The following PRELID2 variants were observed in gnomAD, a reference collection of about 807,000 sequenced individuals.
The protein encoded by PRELID2 is PRELI domain containing 2.
In PRELID2, 25 loss-of-function variants were observed where a neutral mutation model predicts 28.4. The ratio of observed to expected loss-of-function variants is 0.88; its 90% CI spans 0.64 to 1.23. The LOEUF is 1.23. Among genes scored for constraint, PRELID2 ranks in the 50% most tolerant of loss-of-function variants. PRELID2 has a pLI of 0.00. For synonymous variants in PRELID2, 76 were observed against 71.6 expected, an observed-to-expected ratio of 1.06 and a Z score of -0.31; for missense variants, 201 against 214.4, an observed-to-expected ratio of 0.94 and a Z score of 0.39.
At chr5:145,371,069 T>C in the PRELID2 span, among the ~76,000 whole-genome samples, 20 of 152,082 alleles carry the variant, frequency 1.3e-4, no homozygotes, top group Admixed American at 9.8e-4. Context: ...ACAGAGACAA[T>C]TTGACCTCCT....
intron 1 of PRELID2, among the ~76,000 whole-genome samples, chr5:145,611,050 G>T (rs1200668142): frequency 2.0e-5 from 3 of 150,248 alleles, no homozygotes; most frequent in Non-Finnish European, 4.4e-5. Context: ...AGAGAGAGAA[G>T]AATTGTAAAT....
the PRELID2 span, among the ~76,000 whole-genome samples, chr5:145,379,213 G>T: frequency 6.6e-6 from 1 of 152,288 alleles, no homozygotes; most frequent in South Asian, 2.1e-4. Context: ...GGGCCAAGGA[G>T]GTGCTCCCAG....
At chr5:145,546,320 A>G (rs1438218748) in intron 1 of PRELID2, among the ~76,000 whole-genome samples, 4 of 152,204 alleles carry the variant, frequency 2.6e-5, no homozygotes, top group Non-Finnish European at 5.9e-5. Flanking sequence ...ACATGCAAAA[A>G]TAAAATGCAG....
At chr5:145,417,579 A>G in the PRELID2 span, among the ~76,000 whole-genome samples, 1 of 152,174 alleles carries the variant, frequency 6.6e-6, no homozygotes. Flanking sequence ...CCCAGGATGC[A>G]AGGTTGGTTC....
intron 1 of PRELID2, among the ~76,000 whole-genome samples, chr5:145,655,993 A>G (rs1754386374): frequency 6.6e-6 from 1 of 152,224 alleles, no homozygotes; most frequent in Non-Finnish European, 1.5e-5. Context: ...AAATTTTGCA[A>G]TCTACTCATC....
the PRELID2 span, among the ~76,000 whole-genome samples, chr5:145,243,472 T>TA: frequency 5.9e-5 from 9 of 152,150 alleles, no homozygotes; most frequent in African/African-American, 1.9e-4. Flanking sequence ...ATTGAAATAG[T>TA]AAAGTCCATT....
chr5:145,542,250 T>C (rs1380051111), intron 1 of PRELID2, among the ~76,000 whole-genome samples: 1 of 152,098 alleles, frequency 6.6e-6, no homozygotes, highest in Non-Finnish European at 1.5e-5. Context: ...TGCAGTGTGC[T>C]CCCAGCAGAC....
At chr5:145,644,928 C>G (rs1489487707) in intron 1 of PRELID2, among the ~76,000 whole-genome samples, 1 of 152,170 alleles carries the variant, frequency 6.6e-6, no homozygotes, top group Non-Finnish European at 1.5e-5. Context: ...GAGTGCCTTA[C>G]TTCCAACTAT....
chr5:145,803,735 T>TAAAAAAAA, intron 4 of PRELID2, among the ~76,000 whole-genome samples: 1 of 134,726 alleles, frequency 7.4e-6, no homozygotes, highest in Non-Finnish European at 1.6e-5. Context: ...CAATTTAAAG[T>TAAAAAAAA]AAAAAAAAAA....
the PRELID2 span, among the ~76,000 whole-genome samples, chr5:145,272,681 T>C: frequency 6.6e-6 from 1 of 152,158 alleles, no homozygotes; most frequent in African/African-American, 2.4e-5. Flanking sequence ...TAAATATATA[T>C]ACATGTTTTA....
Position 145,738,415 on chromosome 5 carries a change from C to G in PRELID2, n.70+26516G>C, listed in dbSNP as rs117544643. Among the ~76,000 whole-genome samples, 96 of 152,078 alleles carry G rather than the reference C, an allele frequency of 6.3e-4. No individual in the cohort carries two copies. The East Asian group carries it at 0.017, about 26-fold the overall frequency. Reference sequence around the variant, plus strand: ...GGCAAACATTTTTAAGCAGCCATCACAAAAATGCTTTGGTAAGCAATTACA... The same window carrying G: ...GGCAAACATTTTTAAGCAGCCATCAGAAAAATGCTTTGGTAAGCAATTACA... On this transcript the variant is annotated intron_variant and non_coding_transcript_variant, in intron 1 of 2. Coordinates refer to the PRELID2 transcript ENST00000510259.
the PRELID2 span, among the ~76,000 whole-genome samples, chr5:145,253,110 T>C: frequency 6.6e-6 from 1 of 152,116 alleles, no homozygotes. Context: ...AAATATCAAG[T>C]TGGCAACCAA....
At chr5:145,439,632 G>C in the PRELID2 span, among the ~76,000 whole-genome samples, 1 of 151,942 alleles carries the variant, frequency 6.6e-6, no homozygotes, top group African/African-American at 2.4e-5. Context: ...CACTGTTCTA[G>C]TTACCCAGAC....
At chr5:145,299,749 T>C in the PRELID2 span, among the ~76,000 whole-genome samples, 2 of 151,882 alleles carry the variant, frequency 1.3e-5, no homozygotes, top group Non-Finnish European at 2.9e-5. Flanking sequence ...AATAGCCAGA[T>C]CAATAATTTC....
intron 1 of PRELID2, among the ~76,000 whole-genome samples, chr5:145,500,768 A>G (rs530951965): frequency 6.6e-6 from 1 of 152,328 alleles, no homozygotes; most frequent in East Asian, 1.9e-4. Flanking sequence ...TAGAAGTCCA[A>G]GAAGGATGGC....
intron 1 of PRELID2, among the ~76,000 whole-genome samples, chr5:145,527,569 A>C (rs377038737): frequency 1.3e-5 from 2 of 152,236 alleles, no homozygotes; most frequent in Admixed American, 1.3e-4. Context: ...TGAAATTCTG[A>C]ATTTCTATAC....
the PRELID2 span, among the ~76,000 whole-genome samples, chr5:145,271,143 G>A: frequency 6.6e-6 from 1 of 152,144 alleles, no homozygotes; most frequent in Admixed American, 6.5e-5. Context: ...TCTCTCCCTA[G>A]ACAGGTGAAG....
chr5:145,305,573 A>G, the PRELID2 span, among the ~76,000 whole-genome samples: 1 of 152,164 alleles, frequency 6.6e-6, no homozygotes. Flanking sequence ...ACTACTCACC[A>G]GCATAGTCTA....
chr5:145,511,389 C>T (rs1386296762), intron 1 of PRELID2, among the ~76,000 whole-genome samples: 1 of 152,212 alleles, frequency 6.6e-6, no homozygotes, highest in African/African-American at 2.4e-5. Context: ...GTTATCCTCA[C>T]TACACAAATG....
Sources: gnomAD v4.1 joint callset for allele counts (sites outside exome capture counted in the v4.1 genomes callset) on GRCh38, gnomAD v4.1.1 for gene constraint, MANE v1.5 for transcripts, NCBI Gene and HGNC (gene_info 2026-07-23, HGNC 2026-07-21) for gene names.